The following SIK3 variants were observed in gnomAD, a reference collection of about 807,000 sequenced individuals.
SIK3 encodes SIK family kinase 3.
A neutral mutation model predicts 144.2 loss-of-function variants in SIK3; 28 were observed. The observed-to-expected ratio is 0.19, with a 90% CI of 0.14 to 0.27. SIK3 has a LOEUF of 0.27. SIK3 is among the 10% of genes least tolerant of loss of function. The probability of loss-of-function intolerance (pLI) is 1.00; values close to 1 mark genes in which losing one functional copy is unlikely to be tolerated. For missense variants in SIK3, 1,319 were observed against 1,776.0 expected, an observed-to-expected ratio of 0.74 and a Z score of 4.62; for synonymous variants, 686 against 676.3, an observed-to-expected ratio of 1.01 and a Z score of -0.22.
chr11:117,071,759 A>T (rs61903399), intron 1 of SIK3, among the ~76,000 whole-genome samples: 24,340 of 146,726 alleles, frequency 0.17, 2,095 homozygotes, highest in Admixed American at 0.21. Context: ...GGGACTACAG[A>T]TGTGTGCCAC....
intron 21 of SIK3, among the ~76,000 whole-genome samples, chr11:116,852,769 G>A (rs867975477): frequency 3.3e-5 from 5 of 152,236 alleles, no homozygotes; most frequent in Admixed American, 6.5e-5. Context: ...ATACCCATAT[G>A]TAAATGAACA....
At chr11:117,023,163 T>C (rs1026974049) in intron 1 of SIK3, among the ~76,000 whole-genome samples, 3 of 152,140 alleles carry the variant, frequency 2.0e-5, no homozygotes, top group African/African-American at 7.2e-5. Flanking sequence ...TTAGCAGTTG[T>C]TGAGGCCCAG....
chr11:116,915,793 T>A (rs563544716), intron 4 of SIK3, among the ~76,000 whole-genome samples: 2 of 152,350 alleles, frequency 1.3e-5, no homozygotes, highest in Admixed American at 6.5e-5. Context: ...CCTCATCAAT[T>A]TGAATTTCAA....
chr11:116,857,644 G>T, intron 21 of SIK3, 166 bp downstream of exon 21: 1 of 1,177,858 alleles, frequency 8.5e-7, no homozygotes, highest in Non-Finnish European at 1.1e-6. Context: ...TGGACCCCTT[G>T]CCCACCAATA....
intron 1 of SIK3, among the ~76,000 whole-genome samples, chr11:117,008,488 A>G (rs1269496359): frequency 6.6e-6 from 1 of 152,228 alleles, no homozygotes; most frequent in African/African-American, 2.4e-5. Flanking sequence ...CAAAACTCCT[A>G]AACTACAAAA....
intron 1 of SIK3, among the ~76,000 whole-genome samples, chr11:117,047,380 G>A (rs1485922770): frequency 6.6e-6 from 1 of 152,180 alleles, no homozygotes; most frequent in African/African-American, 2.4e-5. Context: ...GATTCAAGAT[G>A]GGTGAAAGGT....
chr11:117,051,427 T>C (rs1246895502), intron 1 of SIK3, among the ~76,000 whole-genome samples: 1 of 152,160 alleles, frequency 6.6e-6, no homozygotes, highest in Admixed American at 6.5e-5. Context: ...ATAAACCTCC[T>C]CTTATACCTA....
chr11:117,020,236 C>CATATATATATAT (rs754633188), intron 1 of SIK3, among the ~76,000 whole-genome samples: 28 of 122,232 alleles, frequency 2.3e-4, no homozygotes, highest in Non-Finnish European at 3.0e-4. Flanking sequence ...TGTATATGTG[C>CATATATATATAT]ATATATATAT....
intron 1 of SIK3, among the ~76,000 whole-genome samples, chr11:117,014,033 G>A (rs1310146111): frequency 8.4e-6 from 1 of 119,184 alleles, no homozygotes; most frequent in African/African-American, 3.3e-5. Context: ...AGTCTGGAGT[G>A]CAGTGTTGTA....
intron 3 of SIK3, among the ~76,000 whole-genome samples, chr11:116,934,992 G>A (rs1947832963): frequency 6.6e-6 from 1 of 152,228 alleles, no homozygotes; most frequent in African/African-American, 2.4e-5. Flanking sequence ...GGCTGAGGCA[G>A]GAGAATCGCT....
intron 4 of SIK3, among the ~76,000 whole-genome samples, chr11:116,900,016 G>A (rs1476948137): frequency 3.3e-5 from 5 of 151,924 alleles, no homozygotes; most frequent in African/African-American, 9.7e-5. Context: ...GTTTTCTCAG[G>A]GCTAACTCTT....
chr11:116,892,101 C>A (rs1250163670), intron 6 of SIK3, among the ~76,000 whole-genome samples: 3 of 152,156 alleles, frequency 2.0e-5, no homozygotes, highest in Admixed American at 2.0e-4. Context: ...TTAGCAAATA[C>A]TTGGATATGT....
intron 1 of SIK3, among the ~76,000 whole-genome samples, chr11:117,037,817 A>G (rs1591587128): frequency 6.6e-6 from 1 of 152,284 alleles, no homozygotes; most frequent in South Asian, 2.1e-4. Flanking sequence ...AACCAACAGA[A>G]CCACCACAAA....
intron 1 of SIK3, among the ~76,000 whole-genome samples, chr11:116,965,763 A>AAAAAT (rs1949515178): frequency 1.8e-5 from 1 of 54,980 alleles, no homozygotes; most frequent in African/African-American, 5.2e-5. Flanking sequence ...ATATATATAT[A>AAAAAT]TATATATATA....
At position 116,947,558 on chromosome 11, in the gene SIK3, TGTATGTATG is replaced by T. The variant is rs1437530743; in HGVS notation, c.454+6477_454+6485del. ...ATGTATGTATGTATGTATGTATGTATGTATGTATGTATTTTTTTTTTTTTTGAGACAGAG... is the reference window on the plus strand; with the variant it reads ...ATGTATGTATGTATGTATGTATGTATTATTTTTTTTTTTTTTGAGACAGAG... On this transcript the variant is annotated intron_variant, in intron 3 of 24. Transcript: ENST00000445177. 3.3e-3 allele frequency among the ~76,000 whole-genome samples: 219 copies of T among 66,578 alleles called. 1 individual carries two copies. The highest frequency in any genetic ancestry group is 0.014 in the Middle Eastern group (2 of 138). 43.7% of individuals were successfully genotyped at this position (66,578 alleles called of 152,430 possible).
At chr11:116,855,930 G>A (rs1942876403) in intron 21 of SIK3, among the ~76,000 whole-genome samples, 1 of 152,252 alleles carries the variant, frequency 6.6e-6, no homozygotes, top group Admixed American at 6.5e-5. Context: ...GGGCGCGGTG[G>A]CTCATGCCTG....
At chr11:116,894,476 G>T (rs1460592804) in intron 6 of SIK3, among the ~76,000 whole-genome samples, 1 of 152,154 alleles carries the variant, frequency 6.6e-6, no homozygotes, top group African/African-American at 2.4e-5. Flanking sequence ...CCCCATCTCA[G>T]TTGGCAGTAA....
chr11:116,987,559 C>T (rs1950366102), intron 1 of SIK3, among the ~76,000 whole-genome samples: 1 of 152,146 alleles, frequency 6.6e-6, no homozygotes, highest in Admixed American at 6.5e-5. Flanking sequence ...AGAATGCCCT[C>T]TTAACACAAC....
At chr11:117,031,609 C>T (rs1377600070) in intron 1 of SIK3, among the ~76,000 whole-genome samples, 1 of 151,140 alleles carries the variant, frequency 6.6e-6, no homozygotes, top group East Asian at 1.9e-4. Flanking sequence ...GCAACCTCCA[C>T]TGCACAGGTT....
Sources: gnomAD v4.1 joint callset for allele counts (sites outside exome capture counted in the v4.1 genomes callset) on GRCh38, gnomAD v4.1.1 for gene constraint, MANE v1.5 for transcripts, NCBI Gene and HGNC (gene_info 2026-07-23, HGNC 2026-07-21) for gene names.